The following ARL15 variants were observed in gnomAD, a reference collection of about 807,000 sequenced individuals.
ARL15 encodes the protein ADP-ribosylation factor-like protein 15.
A neutral mutation model predicts 25.2 loss-of-function variants in ARL15; 19 were observed. The ratio of observed to expected loss-of-function variants is 0.75; its 90% CI spans 0.53 to 1.10. ARL15 has a LOEUF of 1.10. ARL15 is among the 50% of genes least tolerant of loss of function. The pLI is 0.00. For missense variants in ARL15, 220 were observed against 246.0 expected, an observed-to-expected ratio of 0.89 and a Z score of 0.71; for synonymous variants, 94 against 86.8, an observed-to-expected ratio of 1.08 and a Z score of -0.46.
At chr5:54,050,165 T>C (rs1750662387) in intron 4 of ARL15, among the ~76,000 whole-genome samples, 1 of 152,196 alleles carries the variant, frequency 6.6e-6, no homozygotes, top group Non-Finnish European at 1.5e-5. Context: ...GACAGTGTAA[T>C]TTCTTCTGCC....
chr5:54,226,663 A>T (rs1382777442), intron 1 of ARL15, among the ~76,000 whole-genome samples: 1 of 152,186 alleles, frequency 6.6e-6, no homozygotes, highest in Admixed American at 6.5e-5. Flanking sequence ...TAAGTTATTA[A>T]AAAAAATGAG....
intron 4 of ARL15, among the ~76,000 whole-genome samples, chr5:53,889,849 G>A (rs1462836870): frequency 7.7e-6 from 1 of 130,098 alleles, no homozygotes; most frequent in Non-Finnish European, 1.6e-5. Flanking sequence ...TTTTGCTCTT[G>A]TTGCCCAGGC....
At chr5:53,998,446 C>T (rs149673107) in intron 4 of ARL15, among the ~76,000 whole-genome samples, 155 of 152,246 alleles carry the variant, frequency 1.0e-3, no homozygotes, top group Admixed American at 2.2e-3. Flanking sequence ...TTCTTAGCTC[C>T]GCTCAAATTT....
chr5:54,197,389 G>A (rs1404274914), intron 1 of ARL15, among the ~76,000 whole-genome samples: 1 of 152,094 alleles, frequency 6.6e-6, no homozygotes, highest in African/African-American at 2.4e-5. Context: ...TGATTGGGAG[G>A]GGGATGCCCC....
At chr5:54,139,500 T>G (rs1032723408) in intron 3 of ARL15, among the ~76,000 whole-genome samples, 1 of 152,042 alleles carries the variant, frequency 6.6e-6, no homozygotes, top group East Asian at 1.9e-4. Context: ...ACAATGAACT[T>G]TGGAGACTTA....
At chr5:54,309,892 C>A (rs1349758684) in intron 1 of ARL15, among the ~76,000 whole-genome samples, 1 of 152,064 alleles carries the variant, frequency 6.6e-6, no homozygotes, top group African/African-American at 2.4e-5. Flanking sequence ...TGCCAGCCTG[C>A]GAGGTAGTTT....
intron 4 of ARL15, among the ~76,000 whole-genome samples, chr5:53,948,974 C>G (rs1746851176): frequency 6.6e-6 from 1 of 152,196 alleles, no homozygotes; most frequent in South Asian, 2.1e-4. Flanking sequence ...CTGAAGAGAG[C>G]TGGCACTTTA....
At chr5:54,080,874 A>T (rs1561216271) in intron 4 of ARL15, among the ~76,000 whole-genome samples, 1 of 152,180 alleles carries the variant, frequency 6.6e-6, no homozygotes. Context: ...TTAGTTTTCC[A>T]GGAAGTCCAC....
intron 4 of ARL15, among the ~76,000 whole-genome samples, chr5:54,017,987 G>A (rs1749478498): frequency 6.6e-6 from 1 of 151,134 alleles, no homozygotes; most frequent in Non-Finnish European, 1.5e-5. Flanking sequence ...AAGAAAAAGG[G>A]GTAAACATTT....
chr5:53,956,850 AG>A (rs1747175348), intron 4 of ARL15, among the ~76,000 whole-genome samples: 1 of 152,124 alleles, frequency 6.6e-6, no homozygotes, highest in Non-Finnish European at 1.5e-5. Context: ...GATGTGGGCA[AG>A]CAGAAAAAAT....
chr5:54,310,409 T>C (rs375186110), intron 1 of ARL15, 23 bp downstream of exon 1: 6 of 1,604,836 alleles, frequency 3.7e-6, no homozygotes, highest in African/African-American at 2.7e-5. Flanking sequence ...AGAGGCGACA[T>C]GCCACCCCTG....
intron 4 of ARL15, among the ~76,000 whole-genome samples, chr5:54,002,478 T>C (rs527898424): frequency 3.3e-5 from 5 of 152,318 alleles, no homozygotes; most frequent in African/African-American, 1.2e-4. Flanking sequence ...TTGTTGATGT[T>C]TAACATTAGT....
chr5:54,141,155 T>A (rs920644695), intron 3 of ARL15, among the ~76,000 whole-genome samples: 5 of 152,198 alleles, frequency 3.3e-5, no homozygotes, highest in African/African-American at 1.2e-4. Flanking sequence ...CATTTTTTTT[T>A]ATTAACTGAG....
chr5:54,140,285 G>A (rs1201051839), intron 3 of ARL15, among the ~76,000 whole-genome samples: 4 of 150,942 alleles, frequency 2.7e-5, no homozygotes, highest in African/African-American at 7.3e-5. Flanking sequence ...GGCAGCATGT[G>A]CTCTGTCCCT....
chr5:54,010,868 G>T (rs1480284042), intron 4 of ARL15, among the ~76,000 whole-genome samples: 1 of 151,994 alleles, frequency 6.6e-6, no homozygotes, highest in African/African-American at 2.4e-5. Flanking sequence ...GCTTGGTGGT[G>T]GGCGCCTGTA....
chr5:54,190,868 A>C (rs746509950), intron 1 of ARL15, among the ~76,000 whole-genome samples: 5 of 152,210 alleles, frequency 3.3e-5, no homozygotes, highest in Non-Finnish European at 7.3e-5. Context: ...AGAATGTAAA[A>C]TGATATAGCC....
chr5:54,291,111 CT>C (rs1447912373), intron 1 of ARL15, among the ~76,000 whole-genome samples: 1 of 152,212 alleles, frequency 6.6e-6, no homozygotes, highest in Non-Finnish European at 1.5e-5. Flanking sequence ...ACAATCTCAA[CT>C]TTTCTTCTTG....
At chr5:54,200,311 GA>G (rs907581711) in intron 1 of ARL15, among the ~76,000 whole-genome samples, 3 of 140,428 alleles carry the variant, frequency 2.1e-5, no homozygotes, top group African/African-American at 5.2e-5. Flanking sequence ...TAAAAAAAGA[GA>G]AAAAAAAGAA....
intron 3 of ARL15, among the ~76,000 whole-genome samples, chr5:54,135,589 C>CA (rs1235113590): frequency 6.6e-6 from 1 of 152,144 alleles, no homozygotes; most frequent in Non-Finnish European, 1.5e-5. Flanking sequence ...AACAAAGAAA[C>CA]AGAGAGTTGC....
Sources: gnomAD v4.1 joint callset for allele counts (sites outside exome capture counted in the v4.1 genomes callset) on GRCh38, gnomAD v4.1.1 for gene constraint, MANE v1.5 for transcripts, NCBI Gene and HGNC (gene_info 2026-07-23, HGNC 2026-07-21) for gene names.